The following HAUS1 variants were observed in gnomAD, a reference collection of about 807,000 sequenced individuals.
The protein encoded by HAUS1 is HAUS augmin-like complex subunit 1.
A neutral mutation model predicts 38.6 loss-of-function variants in HAUS1; 25 were observed. That is an observed-to-expected ratio of 0.65 (90% confidence interval 0.47 to 0.91). The LOEUF (loss-of-function observed/expected upper bound fraction) is 0.91, where lower values mean the gene tolerates loss of function less well. Ranked by LOEUF, HAUS1 falls within the 40% of genes least tolerant of loss-of-function variation. HAUS1 has a pLI of 0.00. For missense variants in HAUS1, 325 were observed against 328.4 expected (o/e 0.99, Z 0.08); for synonymous variants, 109 against 112.9 (o/e 0.97, Z 0.22).
chr18:46,104,469 G>A (rs765120886), intron 1 of HAUS1, 28 bp downstream of exon 1: 8 of 1,460,150 alleles, frequency 5.5e-6, no homozygotes, highest in Admixed American at 5.0e-5. Flanking sequence ...GGGATCGTTG[G>A]CCTCCTGGAA....
chr18:46,125,739 TA>T lies in HAUS1; in HGVS notation c.739-2del. ...AACCTTTCCTTGTTTTATTTTTTTT[TA>T]AAGAATCCGTCTCTTGCTCAAGTGA... On this transcript the variant is annotated splice_region_variant and splice_polypyrimidine_tract_variant and intron_variant, in intron 7 of 8. Coordinates refer to ENST00000282058, the MANE Select transcript of HAUS1 (RefSeq NM_138443.4). The T allele has an allele frequency of 1.9e-6, 3 of 1,583,488 alleles. No homozygotes were observed. The highest frequency in any genetic ancestry group is 1.3e-5 in the African/African-American group (1 of 74,346).
intron 2 of HAUS1, among the ~76,000 whole-genome samples, chr18:46,108,793 C>T (rs1911540752): frequency 6.6e-6 from 1 of 151,970 alleles, no homozygotes; most frequent in Non-Finnish European, 1.5e-5. Context: ...AGGTTTAGGC[C>T]CCGCATGATG....
intron 2 of HAUS1, among the ~76,000 whole-genome samples, chr18:46,113,923 T>C (rs1911739210): frequency 6.6e-6 from 1 of 152,208 alleles, no homozygotes; most frequent in Non-Finnish European, 1.5e-5. Context: ...GACACATACT[T>C]GAGTATCTCC....
chr18:46,104,388 A>G lies in HAUS1; in HGVS notation c.-24A>G, dbSNP rs1170547881. On this transcript the variant is annotated 5_prime_UTR_variant, in exon 1 of 9. Transcript: ENST00000282058. ...GGCGCATCTCCCGCTAGGAGTTCCT[A>G]GTAAAGTGGCGGGAGCCGCAGCTAT... 6 of 1,458,976 alleles carry G rather than the reference A, an allele frequency of 4.1e-6. No individual in the cohort carries two copies. The South Asian group carries it at 8.3e-5, about 20-fold the overall frequency. 90.4% of individuals were successfully genotyped at this position (1,458,976 alleles called of 1,614,324 possible). A position where few individuals can be genotyped will look rare whatever the true frequency, so the allele number is the denominator to read the frequency against.
rs36159041 is a variant in HAUS1 at position 46,112,939 on chromosome 18, A to T, written c.206-5242A>T. On this transcript the variant is annotated intron_variant, in intron 2 of 8. Coordinates refer to ENST00000282058, the MANE Select transcript of HAUS1 (RefSeq NM_138443.4). ...TATATAATGTGTATATATTCCATATAATATATATAATATATATAATATGTA... is the reference window on the plus strand; with the variant it reads ...TATATAATGTGTATATATTCCATATTATATATATAATATATATAATATGTA... Among the ~76,000 whole-genome samples, 64 of 104,696 alleles carry T rather than the reference A, an allele frequency of 6.1e-4. 2 individuals carry two copies. The highest frequency in any genetic ancestry group is 1.6e-3 in the African/African-American group (38 of 23,226). The allele number at this position is 104,696 out of a possible 152,430, so 68.7% of individuals were successfully genotyped here. A position where few individuals can be genotyped will look rare whatever the true frequency, so the allele number is the denominator to read the frequency against.
In HAUS1 at chr18:46,118,203, C is replaced by T. The variant is rs1404313834; in HGVS notation, c.228C>T (p.Leu76=). 6.2e-7 allele frequency: 1 copy of T among 1,612,058 alleles called. No individual in the cohort carries two copies. The highest frequency in any genetic ancestry group is 2.2e-5 in the East Asian group (1 of 44,872). The change falls in exon 3 of 9, where the codon CTC becomes CTT. Residue 76 remains leucine, a synonymous_variant. Coordinates refer to ENST00000282058, the MANE Select transcript of HAUS1 (RefSeq NM_138443.4). ...ESEAKYLQDL[L]MESVNFSPAN... ...TAGCCAAGTATCTTCAAGACCTTCT[C>T]ATGGAGAGTGTGAATTTTTCCCCCG...
chr18:46,116,054 C>T (rs1355008130), intron 2 of HAUS1, among the ~76,000 whole-genome samples: 4 of 150,676 alleles, frequency 2.7e-5, no homozygotes, highest in African/African-American at 7.3e-5. Flanking sequence ...TGCAGTGAAC[C>T]GAGATCGTGC....
In HAUS1 at chr18:46,122,476, G is replaced by A. The variant is rs189559186; in HGVS notation, c.486G>A (p.Lys162=). Reference sequence around the variant, plus strand: ...ATTTTGCTTTTTAAAGGGATGTCAAGAAAGCAGAGTTGCATCTGTCTACAG... The same window carrying A: ...ATTTTGCTTTTTAAAGGGATGTCAAAAAAGCAGAGTTGCATCTGTCTACAG... ...VLEKCLQEDV[K]KAELHLSTER... The change falls in exon 5 of 9, where the codon AAG becomes AAA. Residue 162 remains lysine (K), a synonymous_variant. Coordinates refer to ENST00000282058, the MANE Select transcript of HAUS1 (RefSeq NM_138443.4). 6.2e-7 allele frequency: 1 copy of A among 1,613,506 alleles called. No homozygotes were observed. The highest frequency in any genetic ancestry group is 2.2e-5 in the East Asian group (1 of 44,874).
Position 46,111,078 on chromosome 18 carries a change from G to A in HAUS1, c.205+5710G>A, listed in dbSNP as rs112780296. ...TTTTTAGTAGAAACAGGGTTTCTCC[G>A]TGTTAGCCAGAATGGTCTTGATCTC... On this transcript the variant is annotated intron_variant, in intron 2 of 8. Coordinates refer to ENST00000282058, the MANE Select transcript of HAUS1 (RefSeq NM_138443.4). 1.6e-4 allele frequency among the ~76,000 whole-genome samples: 24 copies of A among 151,734 alleles called. 1 individual carries two copies. Among genetic ancestry groups the A allele is most frequent in the African/African-American group, 5.3e-4 (22 of 41,406 alleles).
chr18:46,105,617 T>G (rs1911450180), intron 2 of HAUS1, among the ~76,000 whole-genome samples: 1 of 151,614 alleles, frequency 6.6e-6, no homozygotes, highest in Non-Finnish European at 1.5e-5. Flanking sequence ...AATCTTGCTC[T>G]GTCGCCCAGG....
intron 2 of HAUS1, among the ~76,000 whole-genome samples, chr18:46,110,584 C>G (rs1458635989): frequency 6.6e-6 from 1 of 151,836 alleles, no homozygotes; most frequent in Non-Finnish European, 1.5e-5. Flanking sequence ...CTCAGGTGAT[C>G]CACCCATCTG....
At chr18:46,112,460 TTA>T (rs1227224221) in intron 2 of HAUS1, among the ~76,000 whole-genome samples, 1 of 29,784 alleles carries the variant, frequency 3.4e-5, no homozygotes, top group Admixed American at 4.9e-4. Context: ...ATATTCCATA[TTA>T]TATATATAAT....
chr18:46,112,426 A>G (rs1911670938), intron 2 of HAUS1, among the ~76,000 whole-genome samples: 1 of 53,166 alleles, frequency 1.9e-5, no homozygotes, highest in Non-Finnish European at 3.1e-5. Context: ...TCCATATTAT[A>G]TATATAATAT....
intron 2 of HAUS1, among the ~76,000 whole-genome samples, chr18:46,107,291 C>G (rs1408380859): frequency 6.6e-6 from 1 of 152,052 alleles, no homozygotes; most frequent in East Asian, 1.9e-4. Flanking sequence ...GAGAAAGGGA[C>G]TTGGAGCCCA....
At chr18:46,127,958 T>C in intron 8 of HAUS1, 117 bp from the exon 9 acceptor site, 1 of 520,860 alleles carries the variant, frequency 1.9e-6, no homozygotes, top group Non-Finnish European at 3.4e-6. Flanking sequence ...TAATGGTATT[T>C]TTAAAATTTT....
chr18:46,116,383 G>A (rs1173941814), intron 2 of HAUS1, among the ~76,000 whole-genome samples: 10 of 150,494 alleles, frequency 6.6e-5, no homozygotes, highest in Admixed American at 2.0e-4. Flanking sequence ...GCAACATGGC[G>A]AAACTACATC....
intron 4 of HAUS1, 123 bp downstream of exon 4, chr18:46,120,183 T>A (rs1599815514): frequency 3.1e-6 from 2 of 651,170 alleles, no homozygotes; most frequent in East Asian, 2.9e-5. Context: ...CATAAAACAT[T>A]TTTTTAAGTT....
chr18:46,110,437 T>C (rs1191653030), intron 2 of HAUS1, among the ~76,000 whole-genome samples: 7 of 137,084 alleles, frequency 5.1e-5, no homozygotes, highest in Non-Finnish European at 1.1e-4. Context: ...CTCCACCTCC[T>C]GGGTTCAAGT....
chr18:46,109,218 CAG>C (rs1206877855), intron 2 of HAUS1, among the ~76,000 whole-genome samples: 1 of 152,046 alleles, frequency 6.6e-6, no homozygotes, highest in Non-Finnish European at 1.5e-5. Context: ...GAGAGAGAGA[CAG>C]AGGGCATGAA....
Sources: allele counts gnomAD v4.1 joint callset (sites outside exome capture counted in the v4.1 genomes callset), GRCh38; gene constraint gnomAD v4.1.1; transcripts MANE v1.5; gene names NCBI Gene and HGNC (gene_info 2026-07-23, HGNC 2026-07-21).